The following SUSD6 variants were observed in gnomAD, a reference collection of about 807,000 sequenced individuals.
SUSD6 encodes the protein sushi domain-containing protein 6.
Under a neutral mutation model 28.4 loss-of-function variants are expected in SUSD6, and 16 were observed. The observed-to-expected ratio is 0.56, with a 90% CI of 0.38 to 0.86. The LOEUF is 0.86. Ranked by LOEUF, SUSD6 falls within the 40% of genes least tolerant of loss-of-function variation. The pLI is 0.00. For synonymous variants in SUSD6, 147 were observed against 159.6 expected (o/e 0.92, Z 0.59); for missense variants, 341 against 384.2 (o/e 0.89, Z 0.94).
At chr14:69,682,204 A>G (rs1886006349) in intron 2 of SUSD6, among the ~76,000 whole-genome samples, 1 of 152,046 alleles carries the variant, frequency 6.6e-6, no homozygotes, top group Non-Finnish European at 1.5e-5. Flanking sequence ...ATGCATAGTA[A>G]TGCATGCCTG....
chr14:69,694,542 G>A (rs1438650755), intron 2 of SUSD6, among the ~76,000 whole-genome samples: 1 of 152,176 alleles, frequency 6.6e-6, no homozygotes, highest in Admixed American at 6.5e-5. Flanking sequence ...GAGATGGGTG[G>A]GGTTCCAGCT....
intron 2 of SUSD6, among the ~76,000 whole-genome samples, chr14:69,687,403 G>T (rs548194406): frequency 2.8e-4 from 43 of 152,340 alleles, no homozygotes; most frequent in African/African-American, 1.0e-3. Context: ...GAGCCACTGT[G>T]CCCGGCCTAG....
chr14:69,618,767 G>C (rs1193001016), intron 1 of SUSD6, among the ~76,000 whole-genome samples: 1 of 152,130 alleles, frequency 6.6e-6, no homozygotes, highest in Middle Eastern at 3.2e-3. Flanking sequence ...TTTGAAGCAG[G>C]CCTTACCTGT....
intron 2 of SUSD6, among the ~76,000 whole-genome samples, chr14:69,697,184 A>G (rs1438642773): frequency 6.6e-6 from 1 of 152,162 alleles, no homozygotes; most frequent in African/African-American, 2.4e-5. Context: ...CTACTGCATT[A>G]TAATTAGCAT....
At chr14:69,613,881 C>A (rs1884918603) in intron 1 of SUSD6, among the ~76,000 whole-genome samples, 2 of 152,132 alleles carry the variant, frequency 1.3e-5, no homozygotes, top group Admixed American at 6.5e-5. Context: ...AACCCACTGT[C>A]AAATGGGCAA....
chr14:69,678,209 A>G (rs1161547589), intron 2 of SUSD6, among the ~76,000 whole-genome samples: 2 of 151,976 alleles, frequency 1.3e-5, no homozygotes, highest in Non-Finnish European at 1.5e-5. Flanking sequence ...TCCGTAGCAT[A>G]CTTTTTTCAC....
chr14:69,639,629 A>G (rs10151989), intron 1 of SUSD6, among the ~76,000 whole-genome samples: 6,086 of 152,238 alleles, frequency 0.04, 433 homozygotes, highest in African/African-American at 0.14. Context: ...TTTGCACCAC[A>G]TGTACAACTA....
chr14:69,658,203 C>T (rs559892172), intron 1 of SUSD6, among the ~76,000 whole-genome samples: 8 of 152,280 alleles, frequency 5.3e-5, no homozygotes, highest in African/African-American at 1.4e-4. Context: ...TGTCAATAGC[C>T]GTCTCTCTGC....
At chr14:69,691,473 A>C (rs1414481348) in intron 2 of SUSD6, among the ~76,000 whole-genome samples, 1 of 152,184 alleles carries the variant, frequency 6.6e-6, no homozygotes, top group Non-Finnish European at 1.5e-5. Context: ...TACCATCCAT[A>C]ACTAGAGTTT....
rs138673744 is a variant in SUSD6, at chr14:69,617,576, G to T, written c.-81+5748G>T. The T allele has an allele frequency of 9.6e-4, 146 of 152,304 alleles. 1 individual carries two copies. Among genetic ancestry groups the T allele is most frequent in the African/African-American group, 3.4e-3 (140 of 41,552 alleles). 9.4% of individuals were successfully genotyped at this position (152,304 alleles called of 1,614,324 possible). On this transcript the variant is annotated intron_variant, in intron 1 of 5. Coordinates refer to ENST00000342745, the MANE Select transcript of SUSD6 (RefSeq NM_014734.4). ...ACCATTGGTGAGAGTTGACAGACGC[G>T]ATAGTGCCTAAATTCAATGCACATG...
At chr14:69,686,256 T>A (rs970431992) in intron 2 of SUSD6, among the ~76,000 whole-genome samples, 6 of 152,228 alleles carry the variant, frequency 3.9e-5, no homozygotes, top group African/African-American at 7.2e-5. Context: ...ATGCCCAGGT[T>A]ATGTTGTCCA....
chr14:69,680,573 A>G (rs928007089), intron 2 of SUSD6, among the ~76,000 whole-genome samples: 2 of 152,064 alleles, frequency 1.3e-5, no homozygotes, highest in Non-Finnish European at 2.9e-5. Flanking sequence ...CATAAGACTT[A>G]TGGTAAGGTC....
chr14:69,613,033 T>C (rs944184529), intron 1 of SUSD6, among the ~76,000 whole-genome samples: 4 of 152,154 alleles, frequency 2.6e-5, no homozygotes, highest in Non-Finnish European at 5.9e-5. Flanking sequence ...TTCTCTGGGT[T>C]TTGTGTTTTT....
intron 2 of SUSD6, among the ~76,000 whole-genome samples, chr14:69,689,017 A>G (rs1216005912): frequency 6.6e-6 from 1 of 152,122 alleles, no homozygotes; most frequent in Non-Finnish European, 1.5e-5. Flanking sequence ...CCGTACACAT[A>G]CCACCTCTTC....
intron 4 of SUSD6, among the ~76,000 whole-genome samples, chr14:69,708,106 A>T (rs892460630): frequency 1.3e-5 from 2 of 152,252 alleles, no homozygotes; most frequent in African/African-American, 4.8e-5. Context: ...AGTATGGCTG[A>T]GTCAGAACAA....
chr14:69,707,087 C>T (rs1193727448), intron 4 of SUSD6, among the ~76,000 whole-genome samples: 1 of 151,044 alleles, frequency 6.6e-6, no homozygotes. Context: ...ATGAAAGACA[C>T]AGGACAATTA....
rs563816165 is a variant in SUSD6 at position 69,652,045 on chromosome 14, CTG to C, written c.-80-6466_-80-6465del. Among the ~76,000 whole-genome samples the C allele has an allele frequency of 8.1e-4, 123 of 152,316 alleles. 2 individuals are homozygous for C. The highest frequency in any genetic ancestry group is 1.4e-3 in the Non-Finnish European group (96 of 68,024). On this transcript the variant is annotated intron_variant, in intron 1 of 5. Coordinates refer to ENST00000342745, the MANE Select transcript of SUSD6 (RefSeq NM_014734.4). ...ACATAGTTAATTAAAGGAATAAACTCTGTTGTTCTGGACTCTCACCACTACTA... is the reference window on the plus strand; with the variant it reads ...ACATAGTTAATTAAAGGAATAAACTCTTGTTCTGGACTCTCACCACTACTA...
intron 2 of SUSD6, among the ~76,000 whole-genome samples, chr14:69,701,407 A>G (rs1886310959): frequency 6.6e-6 from 1 of 152,172 alleles, no homozygotes; most frequent in South Asian, 2.1e-4. Flanking sequence ...AGGAGCTGCC[A>G]TGGGGTGCTC....
intron 1 of SUSD6, among the ~76,000 whole-genome samples, chr14:69,645,402 C>A (rs1885411640): frequency 6.6e-6 from 1 of 152,134 alleles, no homozygotes; most frequent in African/African-American, 2.4e-5. Context: ...TTCATGAATC[C>A]TATAGAAGAG....
Sources: allele counts gnomAD v4.1 joint callset (sites outside exome capture counted in the v4.1 genomes callset), GRCh38; gene constraint gnomAD v4.1.1; transcripts MANE v1.5; gene names NCBI Gene and HGNC (gene_info 2026-07-23, HGNC 2026-07-21).